Variants in PIK3R4 observed in about 807,000 individuals in gnomAD.
PIK3R4 encodes the protein phosphoinositide-3-kinase regulatory subunit 4, also known as phosphoinositide 3-kinase regulatory subunit 4.
PIK3R4 carries 46 observed loss-of-function variants against 136.5 expected under a neutral mutation model. The observed-to-expected ratio is 0.34, with a 90% CI of 0.27 to 0.43. The LOEUF (loss-of-function observed/expected upper bound fraction) is 0.43, where lower values mean the gene tolerates loss of function less well. PIK3R4 is among the 20% of genes least tolerant of loss of function. PIK3R4 has a pLI of 1.00. For synonymous variants in PIK3R4, 557 were observed against 566.7 expected, an observed-to-expected ratio of 0.98 and a Z score of 0.24; for missense variants, 1,331 against 1,649.5, an observed-to-expected ratio of 0.81 and a Z score of 3.35.
intron 13 of PIK3R4, among the ~76,000 whole-genome samples, chr3:130,695,315 G>A (rs2107603798): frequency 6.6e-6 from 1 of 152,080 alleles, no homozygotes; most frequent in Non-Finnish European, 1.5e-5. Context: ...TTTATTTTTT[G>A]GAAGACTTTT....
intron 13 of PIK3R4, among the ~76,000 whole-genome samples, chr3:130,693,746 G>C (rs1303942457): frequency 6.6e-6 from 1 of 152,022 alleles, no homozygotes; most frequent in Non-Finnish European, 1.5e-5. Flanking sequence ...TTTCTTGATA[G>C]AGTCCTTCGA....
At chr3:130,724,389 G>T (rs577437076) in intron 6 of PIK3R4, among the ~76,000 whole-genome samples, 40 of 152,226 alleles carry the variant, frequency 2.6e-4, no homozygotes, top group African/African-American at 9.1e-4. Context: ...TGGTGAGGGG[G>T]AGAGTCACTG....
intron 17 of PIK3R4, 138 bp from the exon 18 acceptor site, chr3:130,681,203 T>C (rs1226325865): frequency 5.8e-6 from 4 of 683,940 alleles, no homozygotes; most frequent in Non-Finnish European, 5.3e-6. Context: ...ACCAGTTATG[T>C]ATGCCCTATC....
At chr3:130,694,576 A>G (rs887655005) in intron 13 of PIK3R4, among the ~76,000 whole-genome samples, 1 of 152,104 alleles carries the variant, frequency 6.6e-6, no homozygotes, top group Non-Finnish European at 1.5e-5. Flanking sequence ...TGTTTGGACT[A>G]TTCATTGCTA....
At chr3:130,731,341 A>C (rs1378463807) in intron 4 of PIK3R4, among the ~76,000 whole-genome samples, 1 of 152,210 alleles carries the variant, frequency 6.6e-6, no homozygotes, top group Non-Finnish European at 1.5e-5. Flanking sequence ...CTGAAATCAA[A>C]ATGTACCTTA....
In PIK3R4 at chr3:130,684,235, A is replaced by C; in HGVS notation, c.3607+15T>G. The C allele has an allele frequency of 6.2e-7, 1 of 1,608,518 alleles. No individual in the cohort carries two copies. Among genetic ancestry groups the C allele is most frequent in the African/African-American group, 1.3e-5 (1 of 74,904 alleles). Reference sequence around the variant, plus strand: ...GAAAATCTCCCAACACATGAAAGCCAGCCCTCCATCTTACCTGCAATCACC... The same window carrying C: ...GAAAATCTCCCAACACATGAAAGCCCGCCCTCCATCTTACCTGCAATCACC... On this transcript the variant is annotated intron_variant, in intron 16 of 19. Coordinates refer to ENST00000356763, the MANE Select transcript of PIK3R4 (RefSeq NM_014602.3).
At chr3:130,728,423 G>T (rs1304304262) in intron 6 of PIK3R4, 40 bp downstream of exon 6, 4 of 1,268,036 alleles carry the variant, frequency 3.2e-6, no homozygotes, top group East Asian at 2.4e-5. Context: ...TTGAGAGGAT[G>T]ATTAAAAATC....
At chr3:130,722,921 CG>C (rs2066709641) in intron 7 of PIK3R4, among the ~76,000 whole-genome samples, 1 of 149,646 alleles carries the variant, frequency 6.7e-6, no homozygotes, top group Non-Finnish European at 1.5e-5. Flanking sequence ...AAAAATTAGC[CG>C]GGCATGGTGG....
intron 13 of PIK3R4, among the ~76,000 whole-genome samples, chr3:130,701,835 T>C (rs915362588): frequency 6.6e-6 from 1 of 151,970 alleles, no homozygotes; most frequent in South Asian, 2.1e-4. Flanking sequence ...TATTTTGAAA[T>C]CATTAAAAAA....
chr3:130,683,565 A>C (rs1303393961), intron 16 of PIK3R4, among the ~76,000 whole-genome samples: 2 of 152,188 alleles, frequency 1.3e-5, no homozygotes, highest in Non-Finnish European at 2.9e-5. Flanking sequence ...TAGCCTTAGA[A>C]CTTGGCAACA....
rs372370859 is a variant in PIK3R4, at chr3:130,727,269, T to G, written c.1807+1194A>C. Reference sequence around the variant, plus strand: ...GGAGTCTCGCTCTTTCACCCAGGCCTGACTGCAGTGGCGCAATCTCAGCTC... The same window carrying G: ...GGAGTCTCGCTCTTTCACCCAGGCCGGACTGCAGTGGCGCAATCTCAGCTC... On this transcript the variant is annotated intron_variant, in intron 6 of 19. Transcript: ENST00000356763. Among the ~76,000 whole-genome samples the G allele has an allele frequency of 5.9e-5, 9 of 151,744 alleles. No individual in the cohort carries two copies. The South Asian group carries it at 1.9e-3, about 32-fold the overall frequency.
At chr3:130,692,754 C>CA (rs1429169762) in intron 13 of PIK3R4, among the ~76,000 whole-genome samples, 1 of 152,246 alleles carries the variant, frequency 6.6e-6, no homozygotes, top group Non-Finnish European at 1.5e-5. Context: ...TGAGTAAAGA[C>CA]AGCCAGTGAC....
chr3:130,685,185 G>T (rs1366605230), intron 15 of PIK3R4, among the ~76,000 whole-genome samples: 1 of 152,178 alleles, frequency 6.6e-6, no homozygotes. Flanking sequence ...CAAAGTTTCA[G>T]TTAGGAGGAA....
intron 6 of PIK3R4, among the ~76,000 whole-genome samples, chr3:130,728,040 TTTAAC>T (rs1342057570): frequency 1.3e-5 from 2 of 152,298 alleles, no homozygotes; most frequent in African/African-American, 2.4e-5. Context: ...ATGATTATAT[TTTAAC>T]TTATTTTCTG....
At chr3:130,695,262 A>AT (rs2066539970) in intron 13 of PIK3R4, among the ~76,000 whole-genome samples, 1 of 152,102 alleles carries the variant, frequency 6.6e-6, no homozygotes, top group Non-Finnish European at 1.5e-5. Context: ...GTGGTATCAG[A>AT]TTGACATCTG....
chr3:130,686,558 C>T, intron 14 of PIK3R4, 136 bp from the exon 15 acceptor site: 1 of 597,894 alleles, frequency 1.7e-6, no homozygotes, highest in Non-Finnish European at 3.0e-6. Flanking sequence ...CGAAAGCCGA[C>T]ACATTAAAAA....
intron 4 of PIK3R4, among the ~76,000 whole-genome samples, chr3:130,732,202 C>T (rs2066763302): frequency 1.3e-5 from 2 of 152,204 alleles, no homozygotes; most frequent in Admixed American, 1.3e-4. Context: ...GGTAATATAA[C>T]ATCTAACGCT....
chr3:130,721,336 CAAA>C (rs573651423), intron 7 of PIK3R4, among the ~76,000 whole-genome samples: 4 of 76,242 alleles, frequency 5.2e-5, no homozygotes, highest in Non-Finnish European at 5.5e-5. Flanking sequence ...GACTCCGTCT[CAAA>C]AAAAAAAAAA....
At chr3:130,740,575 TA>T (rs2066816632) in intron 2 of PIK3R4, among the ~76,000 whole-genome samples, 1 of 151,780 alleles carries the variant, frequency 6.6e-6, no homozygotes, top group Non-Finnish European at 1.5e-5. Context: ...CTGTCTCTAC[TA>T]AAAATACAAA....
Sources: gnomAD v4.1 joint callset for allele counts (sites outside exome capture counted in the v4.1 genomes callset) on GRCh38, gnomAD v4.1.1 for gene constraint, MANE v1.5 for transcripts, NCBI Gene and HGNC (gene_info 2026-07-23, HGNC 2026-07-21) for gene names.